DAB1: variants seen among roughly 807,000 people sequenced by gnomAD.
DAB1 encodes DAB adaptor protein 1.
A neutral mutation model predicts 64.6 loss-of-function variants in DAB1; 15 were observed. The ratio of observed to expected loss-of-function variants is 0.23; its 90% CI spans 0.16 to 0.36. DAB1 has a LOEUF of 0.36. Ranked by LOEUF, DAB1 falls within the 10% of genes least tolerant of loss-of-function variation. DAB1 has a pLI of 1.00. For synonymous variants in DAB1, 235 were observed against 251.9 expected (o/e 0.93, Z 0.64); for missense variants, 596 against 706.7 (o/e 0.84, Z 1.78).
chr1:57,218,253 G>T (rs547418554), intron 2 of DAB1, among the ~76,000 whole-genome samples: 1 of 152,258 alleles, frequency 6.6e-6, no homozygotes, highest in South Asian at 2.1e-4. Flanking sequence ...CTTGTTTAAA[G>T]CATTTATCTA....
intron 2 of DAB1, among the ~76,000 whole-genome samples, chr1:57,194,719 AG>A (rs1664475130): frequency 6.6e-6 from 1 of 152,166 alleles, no homozygotes; most frequent in Admixed American, 6.5e-5. Context: ...CCTGAGTGCT[AG>A]TGACAGTTGT....
chr1:57,435,046 CT>C (rs71580850), intron 7 of DAB1, among the ~76,000 whole-genome samples: 5,503 of 93,020 alleles, frequency 0.059, 46 homozygotes, highest in South Asian at 0.13. Context: ...TTCTTTTTTT[CT>C]TTTTTTTTTT....
At chr1:58,054,607 A>G (rs1570285270) in intron 5 of DAB1, among the ~76,000 whole-genome samples, 1 of 152,240 alleles carries the variant, frequency 6.6e-6, no homozygotes, top group Admixed American at 6.5e-5. Flanking sequence ...GGCTGTTGGG[A>G]CATAAAACTG....
intron 1 of DAB1, among the ~76,000 whole-genome samples, chr1:57,382,175 A>T (rs1385216183): frequency 6.6e-6 from 1 of 152,172 alleles, no homozygotes; most frequent in East Asian, 1.9e-4. Context: ...TGTTGGGAAG[A>T]TCAATAGCAA....
chr1:57,803,744 T>C (rs956505137), intron 6 of DAB1, among the ~76,000 whole-genome samples: 1 of 152,234 alleles, frequency 6.6e-6, no homozygotes, highest in Non-Finnish European at 1.5e-5. Context: ...AGAAAGTCTT[T>C]ATGAAGCTCT....
At chr1:58,393,919 A>G (rs1038734564) in intron 3 of DAB1, among the ~76,000 whole-genome samples, 1 of 152,242 alleles carries the variant, frequency 6.6e-6, no homozygotes, top group Non-Finnish European at 1.5e-5. Flanking sequence ...AGATTTGTCA[A>G]TTAGCTTGAT....
intron 7 of DAB1, among the ~76,000 whole-genome samples, chr1:57,618,492 G>A (rs1251823162): frequency 6.6e-6 from 1 of 151,360 alleles, no homozygotes; most frequent in East Asian, 1.9e-4. Context: ...GTCAGTAAGT[G>A]AGAAATAGGA....
chr1:57,508,876 A>G (rs1397049979), intron 7 of DAB1, among the ~76,000 whole-genome samples: 2 of 152,202 alleles, frequency 1.3e-5, no homozygotes, highest in African/African-American at 2.4e-5. Flanking sequence ...GCATACACAT[A>G]TATAAAACAC....
chr1:57,323,892 T>C (rs373390876), intron 1 of DAB1, among the ~76,000 whole-genome samples: 109 of 152,012 alleles, frequency 7.2e-4, no homozygotes, highest in African/African-American at 2.5e-3. Context: ...TCAAGCAGTA[T>C]AGGCAATGTG....
chr1:57,375,577 T>C (rs1372103172), intron 1 of DAB1, among the ~76,000 whole-genome samples: 2 of 152,166 alleles, frequency 1.3e-5, no homozygotes, highest in African/African-American at 4.8e-5. Flanking sequence ...ATCACAGGGC[T>C]ACTAAACATA....
At chr1:57,451,472 ATGTTT>A (rs2101154627) in intron 7 of DAB1, among the ~76,000 whole-genome samples, 1 of 152,304 alleles carries the variant, frequency 6.6e-6, no homozygotes, top group South Asian at 2.1e-4. Flanking sequence ...GTGTTAAAAT[ATGTTT>A]TGTGATGTGT....
intron 10 of DAB1, 103 bp downstream of exon 10, chr1:57,025,878 C>T (rs1037045352): frequency 1.2e-5 from 11 of 887,048 alleles, no homozygotes; most frequent in Non-Finnish European, 1.9e-5. Flanking sequence ...CACTGAAATC[C>T]ACCAGCAGCC....
At chr1:57,887,087 T>A (rs1644234968), upstream of DAB1, among the ~76,000 whole-genome samples, 2 of 152,188 alleles carry the variant, frequency 1.3e-5, no homozygotes. Context: ...TCACACATCA[T>A]TCTACTGCCA....
rs963011457 is a variant in DAB1 at position 56,994,865 on chromosome 1, G to A, written c.*3279C>T. The A allele has an allele frequency of 1.3e-5, 2 of 152,190 alleles. No individual in the cohort carries two copies. Among genetic ancestry groups the A allele is most frequent in the African/African-American group, 4.8e-5 (2 of 41,430 alleles). The allele number at this position is 152,190 out of a possible 1,614,324, so 9.4% of individuals were successfully genotyped here. A position where few individuals can be genotyped will look rare whatever the true frequency, so the allele number is the denominator to read the frequency against. On this transcript the variant is annotated 3_prime_UTR_variant, in exon 15 of 15. Transcript: ENST00000371236. Reference sequence around the variant, plus strand: ...AAATTTCTAAAAATTTTGCTGTTCTGTTGAATGCATTGTACATAAAGTTAA... The same window carrying A: ...AAATTTCTAAAAATTTTGCTGTTCTATTGAATGCATTGTACATAAAGTTAA...
intron 4 of DAB1, among the ~76,000 whole-genome samples, chr1:58,224,347 G>C (rs1166368984): frequency 6.6e-6 from 1 of 152,192 alleles, no homozygotes; most frequent in Non-Finnish European, 1.5e-5. Flanking sequence ...TAGCCTCAAT[G>C]AGTAAAGCTT....
At chr1:57,342,976 T>G (rs577770105) in intron 1 of DAB1, among the ~76,000 whole-genome samples, 74 of 152,144 alleles carry the variant, frequency 4.9e-4, no homozygotes, top group African/African-American at 1.8e-3. Flanking sequence ...CTTCCACAGC[T>G]CAGAAGGGGA....
chr1:58,411,085 C>A (rs1482410124), intron 3 of DAB1, among the ~76,000 whole-genome samples: 2 of 152,184 alleles, frequency 1.3e-5, no homozygotes, highest in African/African-American at 2.4e-5. Flanking sequence ...ATCCCTCAGG[C>A]CTCTGCATGA....
At chr1:57,028,238 G>C (rs368932328) in intron 9 of DAB1, among the ~76,000 whole-genome samples, 1 of 152,286 alleles carries the variant, frequency 6.6e-6, no homozygotes, top group East Asian at 1.9e-4. Flanking sequence ...AGTCTCACAA[G>C]ATCTGATGGG....
At chr1:57,097,902 C>G (rs186896879) in intron 4 of DAB1, among the ~76,000 whole-genome samples, 1 of 151,988 alleles carries the variant, frequency 6.6e-6, no homozygotes, top group Non-Finnish European at 1.5e-5. Context: ...CTCAGCCTCC[C>G]GAATAGCTGG....
Sources: allele counts gnomAD v4.1 joint callset (sites outside exome capture counted in the v4.1 genomes callset), GRCh38; gene constraint gnomAD v4.1.1; transcripts MANE v1.5; gene names NCBI Gene and HGNC (gene_info 2026-07-23, HGNC 2026-07-21).